The following GP6 variants were observed in gnomAD, a reference collection of about 807,000 sequenced individuals.
The protein encoded by GP6 is platelet glycoprotein VI.
Under a neutral mutation model 37.3 loss-of-function variants are expected in GP6, and 45 were observed. The ratio of observed to expected loss-of-function variants is 1.21; its 90% CI spans 0.95 to 1.55. The LOEUF is 1.55. GP6 is among the 40% of genes most tolerant of loss of function. GP6 has a pLI of 0.00. For missense variants in GP6, 813 were observed against 760.2 expected, an observed-to-expected ratio of 1.07 and a Z score of -0.82; for synonymous variants, 340 against 316.4, an observed-to-expected ratio of 1.07 and a Z score of -0.79.
At chr19:55,024,639 C>G (rs1489732760) in intron 5 of GP6, among the ~76,000 whole-genome samples, 1 of 152,178 alleles carries the variant, frequency 6.6e-6, no homozygotes, top group Non-Finnish European at 1.5e-5. Context: ...ACGCCTCACA[C>G]AAAACTTACC....
Position 55,025,208 on chromosome 19 carries a change from C to A in GP6, c.664+10G>T, listed in dbSNP as rs2074256238. On this transcript the variant is annotated intron_variant, in intron 5 of 7. Transcript: ENST00000310373. ...ACGCTGTGCACCAGAATGGACCCTG[C>A]AGAACCTACCTGCTACCGGGGAAGG... The A allele has an allele frequency of 1.3e-6, 2 of 1,512,158 alleles. No individual in the cohort carries two copies. Among genetic ancestry groups the A allele is most frequent in the Non-Finnish European group, 1.8e-6 (2 of 1,110,648 alleles). The allele number at this position is 1,512,158 out of a possible 1,614,324, so 93.7% of individuals were successfully genotyped here.
At chr19:55,027,012 C>A (rs1435065556) in intron 4 of GP6, among the ~76,000 whole-genome samples, 1 of 141,254 alleles carries the variant, frequency 7.1e-6, no homozygotes, top group Non-Finnish European at 1.5e-5. Context: ...ACTTCCTTCC[C>A]ACCTACGGCC....
intron 1 of GP6, among the ~76,000 whole-genome samples, chr19:55,035,246 G>C (rs1263164915): frequency 1.3e-5 from 2 of 152,152 alleles, no homozygotes; most frequent in Non-Finnish European, 2.9e-5. Context: ...GAACTTACAG[G>C]AGTAGAGAGC....
At chr19:55,025,888 T>G (rs1283933960) in intron 4 of GP6, among the ~76,000 whole-genome samples, 2 of 137,620 alleles carry the variant, frequency 1.5e-5, no homozygotes, top group African/African-American at 2.8e-5. Context: ...TGTAATCCCA[T>G]CTACTCAGGA....
At chr19:55,019,444 A>G (rs1030727744) in intron 5 of GP6, among the ~76,000 whole-genome samples, 2 of 152,104 alleles carry the variant, frequency 1.3e-5, no homozygotes, top group Admixed American at 6.6e-5. Flanking sequence ...TATTCCCACC[A>G]GCAATATAAG....
chr19:55,028,050 C>A (rs775280362), intron 3 of GP6, among the ~76,000 whole-genome samples, 188 bp from the exon 4 acceptor site: 1 of 152,200 alleles, frequency 6.6e-6, no homozygotes, highest in Non-Finnish European at 1.5e-5. Flanking sequence ...GCTGTGCTCA[C>A]GTCCTAGTGC....
intron 5 of GP6, among the ~76,000 whole-genome samples, chr19:55,021,953 C>A (rs1956076748): frequency 6.6e-6 from 1 of 151,088 alleles, no homozygotes. Context: ...TAAACGTCTT[C>A]TTTTGAGAAG....
At chr19:55,035,997 C>G (rs1189598838) in intron 1 of GP6, among the ~76,000 whole-genome samples, 2 of 150,260 alleles carry the variant, frequency 1.3e-5, no homozygotes, top group African/African-American at 4.9e-5. Context: ...CACTTAAACC[C>G]GGGAGGTGGA....
intron 5 of GP6, among the ~76,000 whole-genome samples, chr19:55,021,464 A>G (rs1281968782): frequency 1.3e-5 from 2 of 151,354 alleles, no homozygotes; most frequent in African/African-American, 4.8e-5. Context: ...ACAGTGTAAA[A>G]GCATTCCTAT....
At chr19:55,019,716 C>A (rs1471068833) in intron 5 of GP6, among the ~76,000 whole-genome samples, 1 of 131,898 alleles carries the variant, frequency 7.6e-6, no homozygotes, top group African/African-American at 2.9e-5. Context: ...CTTACTCTGT[C>A]GTCCAGGCTG....
At chr19:55,032,115 A>G in intron 3 of GP6, 24 bp downstream of exon 3, 2 of 1,611,546 alleles carry the variant, frequency 1.2e-6, no homozygotes, top group Non-Finnish European at 1.7e-6. Context: ...ACGCAGTCCC[A>G]GGCTCCGATC....
Position 55,035,604 on chromosome 19 carries a change from C to T in GP6, c.34+2599G>A, listed in dbSNP as rs559626103. On this transcript the variant is annotated intron_variant, in intron 1 of 7. Coordinates refer to ENST00000310373, the MANE Select transcript of GP6 (RefSeq NM_001083899.2). ...TAGTGGCAGGAGCCTGTAATCCCAGCTACTTGGGAGGCTGAGGCAGGAGAA... is the reference window on the plus strand; with the variant it reads ...TAGTGGCAGGAGCCTGTAATCCCAGTTACTTGGGAGGCTGAGGCAGGAGAA... Among the ~76,000 whole-genome samples, 34 of 152,078 alleles carry T rather than the reference C, an allele frequency of 2.2e-4. No homozygotes were observed. The East Asian group carries it at 6.6e-3, about 29-fold the overall frequency.
At chr19:55,036,830 G>C (rs1671680181) in intron 1 of GP6, among the ~76,000 whole-genome samples, 1 of 152,332 alleles carries the variant, frequency 6.6e-6, no homozygotes, top group African/African-American at 2.4e-5. Context: ...GGCCAACATG[G>C]TGAAACCCCG....
At chr19:55,027,981 G>C in intron 3 of GP6, 119 bp from the exon 4 acceptor site, 1 of 960,098 alleles carries the variant, frequency 1.0e-6, no homozygotes, top group East Asian at 2.4e-5. Flanking sequence ...CTCCCAGAGA[G>C]CGCACTCCCC....
Position 55,031,390 on chromosome 19 carries a change from T to C in GP6, c.325+749A>G, listed in dbSNP as rs891388222. ...GCTCCAGGCTGCAGTGAGCTATGACTGCTCCTATGAACAGCCACTGCACTC... is the reference window on the plus strand; with the variant it reads ...GCTCCAGGCTGCAGTGAGCTATGACCGCTCCTATGAACAGCCACTGCACTC... On this transcript the variant is annotated intron_variant, in intron 3 of 7. Transcript: ENST00000310373. Among the ~76,000 whole-genome samples, 15 of 152,198 alleles carry C rather than the reference T, an allele frequency of 9.9e-5. 1 individual carries two copies. The East Asian group carries it at 2.7e-3, about 28-fold the overall frequency.
intron 5 of GP6, among the ~76,000 whole-genome samples, chr19:55,023,624 C>T (rs1199699110): frequency 6.6e-6 from 1 of 152,176 alleles, no homozygotes; most frequent in Admixed American, 6.6e-5. Context: ...AAGCAGAAGC[C>T]AGCCTTCTGC....
Position 55,014,841 on chromosome 19 carries a change from G to A in GP6, c.1104C>T (p.Ser368=), listed in dbSNP as rs1450680686. 4 of 1,613,950 alleles carry A rather than the reference G, an allele frequency of 2.5e-6. No homozygotes were observed. Among genetic ancestry groups the A allele is most frequent in the East Asian group, 2.2e-5 (1 of 44,882 alleles). The change falls in exon 8 of 8, where the codon AGC becomes AGT. Residue 368 remains serine, a synonymous_variant. Transcript: ENST00000310373. ...GTAGCCTCTGCCCTCCTGCTTCCACGCTCCACACACGCCAGTCTTTGAGTC... is the reference window on the plus strand; with the variant it reads ...GTAGCCTCTGCCCTCCTGCTTCCACACTCCACACACGCCAGTCTTTGAGTC...
chr19:55,023,796 G>A (rs1210434842), intron 5 of GP6, among the ~76,000 whole-genome samples: 3 of 152,110 alleles, frequency 2.0e-5, no homozygotes, highest in Non-Finnish European at 4.4e-5. Flanking sequence ...AGCTTGGATG[G>A]GCCTCAGGGG....
At chr19:55,032,931 C>CGCGGCGGGCTCGTTCGTGTTAG (rs1568640762) in intron 1 of GP6, 1 of 280,970 alleles carries the variant, frequency 3.6e-6, no homozygotes, top group Non-Finnish European at 6.6e-6. Context: ...TCGTGTTAGA[C>CGCGGCGGGCTCGTTCGTGTTAG]ACGGTGGGCT....
Sources: gnomAD v4.1 joint callset for allele counts (sites outside exome capture counted in the v4.1 genomes callset) on GRCh38, gnomAD v4.1.1 for gene constraint, MANE v1.5 for transcripts, NCBI Gene and HGNC (gene_info 2026-07-23, HGNC 2026-07-21) for gene names.